Variants in GPC5 observed in about 807,000 individuals in gnomAD.
GPC5 encodes glypican 5.
Under a neutral mutation model 53.9 loss-of-function variants are expected in GPC5, and 47 were observed. The observed-to-expected ratio is 0.87, with a 90% confidence interval of 0.69 to 1.11. The LOEUF is 1.11. GPC5 is among the 50% of genes most tolerant of loss of function. The pLI is 0.00. For missense variants in GPC5, 748 were observed against 713.1 expected, an observed-to-expected ratio of 1.05 and a Z score of -0.56; for synonymous variants, 286 against 263.3, an observed-to-expected ratio of 1.09 and a Z score of -0.84.
chr13:92,480,066 C>T (rs1879291345), intron 7 of GPC5, among the ~76,000 whole-genome samples: 1 of 152,086 alleles, frequency 6.6e-6, no homozygotes, highest in South Asian at 2.1e-4. Context: ...CTGGGAGGAT[C>T]ACTTGAGGCC....
At chr13:92,159,837 C>T (rs947814683) in intron 7 of GPC5, among the ~76,000 whole-genome samples, 1 of 151,708 alleles carries the variant, frequency 6.6e-6, no homozygotes, top group Non-Finnish European at 1.5e-5. Context: ...CTCCTGACCT[C>T]GTGATCTGCC....
intron 7 of GPC5, among the ~76,000 whole-genome samples, chr13:92,566,719 C>G (rs527815161): frequency 3.6e-4 from 55 of 152,074 alleles, no homozygotes; most frequent in African/African-American, 1.3e-3. Flanking sequence ...ATGTCCTCAC[C>G]CAGAATGTAA....
intron 5 of GPC5, among the ~76,000 whole-genome samples, chr13:91,827,545 G>C (rs1403111154): frequency 6.6e-6 from 1 of 151,874 alleles, no homozygotes; most frequent in African/African-American, 2.4e-5. Flanking sequence ...ATATGAAATG[G>C]CAATTAGCAC....
chr13:91,569,199 G>C (rs182131120), intron 2 of GPC5, among the ~76,000 whole-genome samples: 1 of 152,214 alleles, frequency 6.6e-6, no homozygotes, highest in Admixed American at 6.5e-5. Context: ...TAAAATTTTA[G>C]GATATGAAAG....
intron 7 of GPC5, among the ~76,000 whole-genome samples, chr13:92,487,922 G>A: frequency 6.6e-6 from 1 of 151,818 alleles, no homozygotes; most frequent in East Asian, 1.9e-4. Flanking sequence ...GAAGAGGTAA[G>A]GATTAGTGAT....
At chr13:91,761,494 C>A (rs1004904228) in intron 5 of GPC5, among the ~76,000 whole-genome samples, 2 of 152,112 alleles carry the variant, frequency 1.3e-5, no homozygotes, top group Non-Finnish European at 2.9e-5. Context: ...CTTTCTGAGA[C>A]CAGTTCCAAG....
At chr13:91,947,424 C>T (rs1291435276) in intron 6 of GPC5, among the ~76,000 whole-genome samples, 1 of 152,012 alleles carries the variant, frequency 6.6e-6, no homozygotes, top group Non-Finnish European at 1.5e-5. Context: ...TTATGTACAA[C>T]CAGTATATTG....
At chr13:91,665,912 A>G (rs1177303365) in intron 2 of GPC5, among the ~76,000 whole-genome samples, 1 of 152,218 alleles carries the variant, frequency 6.6e-6, no homozygotes, top group African/African-American at 2.4e-5. Flanking sequence ...GACAAGTACT[A>G]ACATTAAATT....
At chr13:91,980,433 C>T (rs1459901123) in intron 6 of GPC5, among the ~76,000 whole-genome samples, 2 of 152,112 alleles carry the variant, frequency 1.3e-5, no homozygotes, top group Non-Finnish European at 2.9e-5. Context: ...TATACACTCA[C>T]GGAACCACCA....
At chr13:91,756,192 TA>T (rs2037287520) in intron 4 of GPC5, 102 bp from the exon 5 acceptor site, 1 of 791,716 alleles carries the variant, frequency 1.3e-6, no homozygotes, top group Non-Finnish European at 1.8e-6. Flanking sequence ...CATAACAATA[TA>T]AAAATTATAT....
In GPC5 at chr13:91,962,827, G is replaced by T. The variant is rs113609198; in HGVS notation, c.1401+54770G>T. Among the ~76,000 whole-genome samples, 339 of 152,226 alleles carry T rather than the reference G, an allele frequency of 2.2e-3. 3 individuals are homozygous for T. The highest frequency in any genetic ancestry group is 7.8e-3 in the African/African-American group (322 of 41,544). Reference sequence around the variant, plus strand: ...AACAAAATTATTATATATGGTAGAGGTCATATAATAGTGGCCTTCAGGCCA... The same window carrying T: ...AACAAAATTATTATATATGGTAGAGTTCATATAATAGTGGCCTTCAGGCCA... On this transcript the variant is annotated intron_variant, in intron 6 of 7. Coordinates refer to ENST00000377067, the MANE Select transcript of GPC5 (RefSeq NM_004466.6).
At chr13:91,423,504 C>T (rs1878787282) in intron 1 of GPC5, among the ~76,000 whole-genome samples, 1 of 151,782 alleles carries the variant, frequency 6.6e-6, no homozygotes, top group Non-Finnish European at 1.5e-5. Flanking sequence ...AGACAGTAGG[C>T]ATTCTTGGAT....
At chr13:91,921,594 A>G (rs1042631364) in intron 6 of GPC5, among the ~76,000 whole-genome samples, 5 of 152,150 alleles carry the variant, frequency 3.3e-5, no homozygotes, top group African/African-American at 1.2e-4. Flanking sequence ...TCAGTATAGT[A>G]TTACCCTAAA....
intron 7 of GPC5, among the ~76,000 whole-genome samples, chr13:92,849,493 T>C (rs1054836660): frequency 2.0e-5 from 3 of 152,212 alleles, no homozygotes; most frequent in African/African-American, 7.2e-5. Flanking sequence ...GCTCTAAGGA[T>C]TAGCTGTTTA....
At chr13:92,090,989 G>C (rs563541786) in intron 6 of GPC5, among the ~76,000 whole-genome samples, 2 of 152,274 alleles carry the variant, frequency 1.3e-5, no homozygotes, top group South Asian at 4.1e-4. Flanking sequence ...TAGTCAGAAG[G>C]CAGGAGCCTG....
chr13:92,146,046 G>A (rs1160876741), intron 7 of GPC5, among the ~76,000 whole-genome samples: 1 of 152,044 alleles, frequency 6.6e-6, no homozygotes, highest in Non-Finnish European at 1.5e-5. Flanking sequence ...AAATTAAAAA[G>A]GCAGTTAACA....
chr13:92,292,131 T>C (rs1249226442), intron 7 of GPC5, among the ~76,000 whole-genome samples: 1 of 152,264 alleles, frequency 6.6e-6, no homozygotes. Flanking sequence ...TTGCAAATTG[T>C]GCTGCTGTAA....
chr13:92,761,924 C>A (rs999510457), intron 7 of GPC5, among the ~76,000 whole-genome samples: 4 of 151,978 alleles, frequency 2.6e-5, no homozygotes, highest in African/African-American at 9.7e-5. Context: ...GAATATTATA[C>A]CCAGCAAAAC....
chr13:92,405,687 C>G (rs1875761514), intron 7 of GPC5, among the ~76,000 whole-genome samples: 1 of 152,102 alleles, frequency 6.6e-6, no homozygotes, highest in African/African-American at 2.4e-5. Context: ...TGATAACTGA[C>G]TAGGGATATG....
Sources: allele counts gnomAD v4.1 joint callset (sites outside exome capture counted in the v4.1 genomes callset), GRCh38; gene constraint gnomAD v4.1.1; transcripts MANE v1.5; gene names NCBI Gene and HGNC (gene_info 2026-07-23, HGNC 2026-07-21).